The following SGCG variants were observed in gnomAD, a reference collection of about 807,000 sequenced individuals.
SGCG encodes the protein gamma-sarcoglycan.
A neutral mutation model predicts 29.3 loss-of-function variants in SGCG; 26 were observed. The ratio of observed to expected loss-of-function variants is 0.89; its 90% CI spans 0.65 to 1.23. The LOEUF (loss-of-function observed/expected upper bound fraction) is 1.23, where lower values mean the gene tolerates loss of function less well. SGCG is among the 50% of genes most tolerant of loss of function. The pLI is 0.00. For missense variants in SGCG, 353 were observed against 356.0 expected, an observed-to-expected ratio of 0.99 and a Z score of 0.07; for synonymous variants, 145 against 129.7, an observed-to-expected ratio of 1.12 and a Z score of -0.80.
rs1195305188 is a variant in SGCG at position 23,286,834 on chromosome 13, G to A, written c.505+7356G>A. On this transcript the variant is annotated intron_variant, in intron 5 of 7. Coordinates refer to ENST00000218867, the MANE Select transcript of SGCG (RefSeq NM_000231.3). Reference sequence around the variant, plus strand: ...TGCCTACATGATAAGATGACCCGAGGTGAATGATACAGGATTGTGTATAGT... The same window carrying A: ...TGCCTACATGATAAGATGACCCGAGATGAATGATACAGGATTGTGTATAGT... Among the ~76,000 whole-genome samples, 6 of 152,200 alleles carry A rather than the reference G, an allele frequency of 3.9e-5. No homozygotes were observed. In the East Asian group the frequency reaches 9.6e-4, roughly 24 times the overall value.
chr13:23,261,794 A>G (rs1368288015), intron 4 of SGCG, among the ~76,000 whole-genome samples: 1 of 152,112 alleles, frequency 6.6e-6, no homozygotes, highest in African/African-American at 2.4e-5. Context: ...AACCTATCAG[A>G]CTAACAGCAA....
At chr13:23,286,336 G>T (rs140443581) in intron 5 of SGCG, among the ~76,000 whole-genome samples, 203 of 152,296 alleles carry the variant, frequency 1.3e-3, no homozygotes, top group Middle Eastern at 0.01. Flanking sequence ...TACTGGAATT[G>T]CTGGCAAAGC....
At chr13:23,289,301 C>T (rs1881610889) in intron 5 of SGCG, among the ~76,000 whole-genome samples, 1 of 152,180 alleles carries the variant, frequency 6.6e-6, no homozygotes, top group African/African-American at 2.4e-5. Context: ...CATGTATTAT[C>T]TCACATAGGA....
rs140083310 is a variant in SGCG at position 23,215,722 on chromosome 13, C to A, written c.195+11833C>A. 3.7e-4 allele frequency among the ~76,000 whole-genome samples: 56 copies of A among 152,004 alleles called. 1 individual carries two copies. Among genetic ancestry groups the A allele is most frequent in the African/African-American group, 1.3e-3 (52 of 41,470 alleles). ...AAAAGTTACACTCAGACAAAAACCA[C>A]CACCCCATTGGTACAATATGGAAAT... On this transcript the variant is annotated intron_variant, in intron 2 of 7. Transcript: ENST00000218867.
chr13:23,218,372 A>G (rs7333035), intron 2 of SGCG, among the ~76,000 whole-genome samples: 3,823 of 152,236 alleles, frequency 0.025, 160 homozygotes, highest in African/African-American at 0.088. Flanking sequence ...CAAATATACC[A>G]CTGGAACATA....
intron 2 of SGCG, among the ~76,000 whole-genome samples, chr13:23,216,272 G>T (rs1049893133): frequency 3.3e-5 from 5 of 152,090 alleles, no homozygotes; most frequent in African/African-American, 1.2e-4. Flanking sequence ...GAGGAATTCA[G>T]GGGCCAATAG....
chr13:23,288,441 CAA>C (rs1881584287), intron 5 of SGCG, among the ~76,000 whole-genome samples: 1 of 151,970 alleles, frequency 6.6e-6, no homozygotes, highest in Non-Finnish European at 1.5e-5. Flanking sequence ...GCAATTAAGA[CAA>C]TTGCTGTTGC....
At chr13:23,311,367 C>T (rs1882593037) in intron 6 of SGCG, among the ~76,000 whole-genome samples, 1 of 152,190 alleles carries the variant, frequency 6.6e-6, no homozygotes, top group African/African-American at 2.4e-5. Context: ...TGTTCTTTTT[C>T]AATTTTGGAA....
intron 4 of SGCG, among the ~76,000 whole-genome samples, chr13:23,257,267 A>AG (rs996603740): frequency 6.6e-5 from 10 of 152,120 alleles, no homozygotes; most frequent in African/African-American, 2.4e-4. Context: ...TCTGGATATT[A>AG]GCCCTTTATA....
intron 1 of SGCG, among the ~76,000 whole-genome samples, chr13:23,187,624 G>T (rs1004584775): frequency 2.6e-5 from 4 of 152,178 alleles, no homozygotes; most frequent in Admixed American, 1.3e-4. Context: ...TGTGTGGCCA[G>T]GAGAGGTGCA....
Position 23,320,567 on chromosome 13 carries a change from G to C in SGCG, c.579-70G>C, listed in dbSNP as rs1273394290. 3 of 1,320,782 alleles carry C rather than the reference G, an allele frequency of 2.3e-6. No individual in the cohort carries two copies. In the South Asian group the frequency reaches 3.9e-5, roughly 17 times the overall value. The allele number at this position is 1,320,782 out of a possible 1,614,324, so 81.8% of individuals were successfully genotyped here. ...CTAGTTATATTTCCCATGCTAAGTT[G>C]AGGGATTGCTGGAGTGGCTATTTTT... On this transcript the variant is annotated intron_variant, in intron 6 of 7. Transcript: ENST00000218867.
At chr13:23,265,977 A>G (rs939216429) in intron 4 of SGCG, among the ~76,000 whole-genome samples, 1 of 152,212 alleles carries the variant, frequency 6.6e-6, no homozygotes, top group African/African-American at 2.4e-5. Flanking sequence ...TGTTTATCAC[A>G]GCACAATTCA....
chr13:23,261,247 A>C (rs1575897), intron 4 of SGCG, among the ~76,000 whole-genome samples: 1 of 150,726 alleles, frequency 6.6e-6, no homozygotes, highest in Non-Finnish European at 1.5e-5. Flanking sequence ...ATTCTGAAAA[A>C]TTTTTTTTTT....
chr13:23,322,100 A>G (rs1883060558), intron 7 of SGCG, among the ~76,000 whole-genome samples: 1 of 152,174 alleles, frequency 6.6e-6, no homozygotes, highest in Non-Finnish European at 1.5e-5. Flanking sequence ...TTTCATATGT[A>G]TGAATGTGCT....
At chr13:23,166,706 T>C in the SGCG span, among the ~76,000 whole-genome samples, 1 of 152,182 alleles carries the variant, frequency 6.6e-6, no homozygotes, top group African/African-American at 2.4e-5. Context: ...TCTGCACTTT[T>C]CATGGTTGGT....
At chr13:23,246,969 C>T (rs4770418) in intron 3 of SGCG, 15,946 of 153,228 alleles carry the variant, frequency 0.1, 1,129 homozygotes, top group East Asian at 0.38. Context: ...TGAGCAAGCC[C>T]GAGAAACTGT....
chr13:23,269,345 T>C (rs939681878), intron 4 of SGCG, among the ~76,000 whole-genome samples: 1 of 152,184 alleles, frequency 6.6e-6, no homozygotes, highest in African/African-American at 2.4e-5. Context: ...AGTGGCTATT[T>C]TGGAGGGTGT....
At chr13:23,273,810 T>C (rs1880958689) in intron 4 of SGCG, among the ~76,000 whole-genome samples, 1 of 152,218 alleles carries the variant, frequency 6.6e-6, no homozygotes, top group Non-Finnish European at 1.5e-5. Flanking sequence ...TCAGTTTCAG[T>C]GAATGTGCCC....
chr13:23,210,501 T>C (rs1362406186), intron 2 of SGCG, among the ~76,000 whole-genome samples: 1 of 152,046 alleles, frequency 6.6e-6, no homozygotes, highest in East Asian at 1.9e-4. Flanking sequence ...ACCATCCTGG[T>C]TAACACAGTG....
Sources: gnomAD v4.1 joint callset for allele counts (sites outside exome capture counted in the v4.1 genomes callset) on GRCh38, gnomAD v4.1.1 for gene constraint, MANE v1.5 for transcripts, NCBI Gene and HGNC (gene_info 2026-07-23, HGNC 2026-07-21) for gene names.